Variants in CFI observed in about 807,000 individuals in gnomAD.
CFI encodes the protein complement factor I, also known as C3B/C4B inactivator.
In CFI, 66 loss-of-function variants were observed where a neutral mutation model predicts 78.8. The observed-to-expected ratio is 0.84, with a 90% CI of 0.69 to 1.03. The LOEUF is 1.03. CFI is among the 50% of genes least tolerant of loss of function. The pLI is 0.00. For synonymous variants in CFI, 250 were observed against 232.6 expected, an observed-to-expected ratio of 1.07 and a Z score of -0.68; for missense variants, 706 against 704.5, an observed-to-expected ratio of 1.00 and a Z score of -0.02.
chr4:109,757,508 C>T (rs935746210), intron 7 of CFI, among the ~76,000 whole-genome samples: 1 of 152,052 alleles, frequency 6.6e-6, no homozygotes, highest in Non-Finnish European at 1.5e-5. Flanking sequence ...GAAAGGTATT[C>T]GGCAAAGGTG....
intron 1 of CFI, among the ~76,000 whole-genome samples, chr4:109,789,382 C>A (rs910412452): frequency 3.3e-5 from 5 of 151,858 alleles, no homozygotes; most frequent in Non-Finnish European, 7.4e-5. Flanking sequence ...CCATGTCACA[C>A]TCAAATTACT....
intron 12 of CFI, 197 bp from the exon 13 acceptor site, chr4:109,741,307 A>C: frequency 1.0e-6 from 1 of 985,402 alleles, no homozygotes; most frequent in Non-Finnish European, 1.2e-6. Flanking sequence ...CGAGTCTTCT[A>C]TTTATTCCCC....
At chr4:109,800,068 G>A (rs1316155892) in intron 1 of CFI, among the ~76,000 whole-genome samples, 1 of 151,986 alleles carries the variant, frequency 6.6e-6, no homozygotes. Flanking sequence ...TTTGGTTTTG[G>A]TGGATCTGCC....
intron 1 of CFI, among the ~76,000 whole-genome samples, chr4:109,798,619 T>C (rs1326121483): frequency 2.0e-5 from 3 of 152,184 alleles, no homozygotes; most frequent in African/African-American, 4.8e-5. Flanking sequence ...TACTTTCTCA[T>C]ATCTTTGCAT....
At position 109,746,265 on chromosome 4, in the gene CFI, T is replaced by C. The variant is rs143827877; in HGVS notation, c.1386A>G (p.Gln462=). 5.0e-6 allele frequency: 8 copies of C among 1,614,166 alleles called. No individual in the cohort carries two copies. The highest frequency in any genetic ancestry group is 6.8e-6 in the Non-Finnish European group (8 of 1,180,020). Residue 462 remains glutamine (Q), a synonymous_variant, in exon 11 of 13, where the codon CAA becomes CAG. Coordinates refer to ENST00000394634, the MANE Select transcript of CFI (RefSeq NM_000204.5). The part of the protein sequence containing the change: ...ACVPWSPYLF[Q]PNDTCIVSGW... Reference sequence around the variant, plus strand: ...CAGAAACGATGCATGTATCATTAGGTTGGAATAGGTAAGGAGACCAGGGGA... The same window carrying C: ...CAGAAACGATGCATGTATCATTAGGCTGGAATAGGTAAGGAGACCAGGGGA...
At chr4:109,787,567 T>C (rs1471382989) in intron 1 of CFI, among the ~76,000 whole-genome samples, 1 of 152,072 alleles carries the variant, frequency 6.6e-6, no homozygotes, top group Non-Finnish European at 1.5e-5. Flanking sequence ...ATTGTTCCAA[T>C]TCACATAAGA....
chr4:109,733,830 G>T, the CFI span, among the ~76,000 whole-genome samples: 2 of 152,152 alleles, frequency 1.3e-5, no homozygotes. Flanking sequence ...CAGCATAAAG[G>T]TTAGAAACGC....
intron 1 of CFI, chr4:109,794,248 T>TG (rs1560568550): frequency 6.6e-6 from 1 of 152,210 alleles, no homozygotes; most frequent in African/African-American, 2.4e-5. Flanking sequence ...TTTCTCCTTC[T>TG]GGGGTTCCAT....
At chr4:109,761,422 T>G (rs1727037728) in intron 4 of CFI, 95 bp downstream of exon 4, 1 of 1,199,388 alleles carries the variant, frequency 8.3e-7, no homozygotes, top group African/African-American at 1.5e-5. Context: ...CCTCTGTGAC[T>G]GGCAACGAGG....
rs532693160 is a variant in CFI at position 109,775,384 on chromosome 4, C to T, written c.58-8560G>A. On this transcript the variant is annotated intron_variant, in intron 1 of 12. Transcript: ENST00000394634. ...CCTGGCTCGGAGGGTCCCACACCCA[C>T]GGAGCCCCACTCATTGCTAGCACAG... Among the ~76,000 whole-genome samples, 31 of 152,332 alleles carry T rather than the reference C, an allele frequency of 2.0e-4. 1 individual carries two copies. In the South Asian group the frequency reaches 4.8e-3, roughly 23 times the overall value.
intron 1 of CFI, among the ~76,000 whole-genome samples, chr4:109,772,390 G>A (rs1011202303): frequency 6.6e-6 from 1 of 152,240 alleles, no homozygotes; most frequent in African/African-American, 2.4e-5. Flanking sequence ...ATGTGAGTAT[G>A]CCTCATATGT....
chr4:109,752,528 TG>T (rs1725269966), intron 7 of CFI, 25 bp from the exon 8 acceptor site: 1 of 1,580,370 alleles, frequency 6.3e-7, no homozygotes, highest in Non-Finnish European at 8.7e-7. Flanking sequence ...AAGATTCCAA[TG>T]TTTAAAGTTG....
chr4:109,799,108 G>A (rs1344515332), intron 1 of CFI, among the ~76,000 whole-genome samples: 1 of 152,046 alleles, frequency 6.6e-6, no homozygotes, highest in Non-Finnish European at 1.5e-5. Flanking sequence ...CCTGCCCTGA[G>A]CATGTATGGG....
chr4:109,762,946 G>C (rs1217912964), intron 3 of CFI, among the ~76,000 whole-genome samples: 1 of 152,170 alleles, frequency 6.6e-6, no homozygotes, highest in Non-Finnish European at 1.5e-5. Flanking sequence ...CCAGTAGGTT[G>C]AACCATAAGT....
At chr4:109,797,708 A>C (rs28862613) in intron 1 of CFI, among the ~76,000 whole-genome samples, 27,621 of 152,178 alleles carry the variant, frequency 0.18, 4,792 homozygotes, top group African/African-American at 0.44. Flanking sequence ...ATTCCTACAA[A>C]TCAAAAGCCA....
chr4:109,757,033 TTTTACA>T (rs1726393360), intron 7 of CFI, among the ~76,000 whole-genome samples: 1 of 151,676 alleles, frequency 6.6e-6, no homozygotes, highest in Non-Finnish European at 1.5e-5. Context: ...ATATGAGTCA[TTTTACA>T]TTTACATTTA....
intron 1 of CFI, among the ~76,000 whole-genome samples, chr4:109,771,132 C>T (rs1486084301): frequency 1.1e-4 from 16 of 152,100 alleles, no homozygotes; most frequent in Admixed American, 1.0e-3. Context: ...TGGCTCATTC[C>T]TGTAATCCCA....
chr4:109,753,504 TTTA>T (rs1326136865), intron 7 of CFI, among the ~76,000 whole-genome samples: 228 of 20,836 alleles, frequency 0.011, 33 homozygotes, highest in African/African-American at 0.027. Flanking sequence ...TTATAATATA[TTTA>T]TTATATAAAT....
At chr4:109,796,964 T>C (rs1342683011) in intron 1 of CFI, among the ~76,000 whole-genome samples, 3 of 152,226 alleles carry the variant, frequency 2.0e-5, no homozygotes, top group Non-Finnish European at 4.4e-5. Context: ...ATTCCTTCAC[T>C]GAAAGAATTA....
Sources: allele counts gnomAD v4.1 joint callset (sites outside exome capture counted in the v4.1 genomes callset), GRCh38; gene constraint gnomAD v4.1.1; transcripts MANE v1.5; gene names NCBI Gene and HGNC (gene_info 2026-07-23, HGNC 2026-07-21).